The following CFAP61 variants were observed in gnomAD, a reference collection of about 807,000 sequenced individuals.
CFAP61 encodes the protein cilia and flagella associated protein 61.
Under a neutral mutation model 135.6 loss-of-function variants are expected in CFAP61, and 107 were observed. The observed-to-expected ratio is 0.79, with a 90% CI of 0.67 to 0.93. The LOEUF is 0.93. Ranked by LOEUF, CFAP61 falls within the 40% of genes least tolerant of loss-of-function variation. CFAP61 has a pLI of 0.00. For synonymous variants in CFAP61, 575 were observed against 578.5 expected, an observed-to-expected ratio of 0.99 and a Z score of 0.09; for missense variants, 1,507 against 1,556.2, an observed-to-expected ratio of 0.97 and a Z score of 0.53.
At chr20:20,125,187 T>A (rs2049973379) in intron 8 of CFAP61, among the ~76,000 whole-genome samples, 2 of 151,786 alleles carry the variant, frequency 1.3e-5, no homozygotes, top group Non-Finnish European at 2.9e-5. Flanking sequence ...GTTTCATTTA[T>A]CTTTTGTATT....
chr20:20,203,261 A>G (rs1029803214), intron 17 of CFAP61, among the ~76,000 whole-genome samples: 42 of 152,268 alleles, frequency 2.8e-4, no homozygotes, highest in African/African-American at 9.6e-4. Context: ...TCCACAGTCA[A>G]CCAGTGTGAA....
chr20:20,157,177 A>G (rs1230670070), intron 9 of CFAP61, among the ~76,000 whole-genome samples: 1 of 152,160 alleles, frequency 6.6e-6, no homozygotes, highest in East Asian at 1.9e-4. Context: ...GGTTCAAGTG[A>G]TACTCATGCC....
intron 8 of CFAP61, among the ~76,000 whole-genome samples, chr20:20,112,519 C>T (rs2048869867): frequency 6.6e-6 from 1 of 151,924 alleles, no homozygotes; most frequent in Non-Finnish European, 1.5e-5. Context: ...GGTAAAATAA[C>T]AAATCCTTTG....
chr20:20,201,513 T>C (rs2056620115), intron 17 of CFAP61, among the ~76,000 whole-genome samples: 1 of 152,210 alleles, frequency 6.6e-6, no homozygotes, highest in African/African-American at 2.4e-5. Context: ...CTAGCCCACC[T>C]GGAAGACATT....
At position 20,265,398 on chromosome 20, in the gene CFAP61, G is replaced by GTCC. The variant is rs772300058; in HGVS notation, c.2503+2271_2503+2273dup. The GTCC allele has an allele frequency of 6.4e-6, 5 of 779,674 alleles. No individual in the cohort carries two copies. The African/African-American group carries it at 6.8e-5, about 11-fold the overall frequency. The allele number at this position is 779,674 out of a possible 1,614,324, so 48.3% of individuals were successfully genotyped here. The stretch of plus-strand genomic sequence containing the variant: ...AGTCTCTTTCATGTGCCTTTGTATT[G>GTCC]TCCTCTTGGTTCTCAGATGGAGGAA... On this transcript the variant is annotated intron_variant, in intron 21 of 26. Coordinates refer to ENST00000245957, the MANE Select transcript of CFAP61 (RefSeq NM_015585.4).
chr20:20,262,829 C>G, intron 20 of CFAP61, 127 bp from the exon 21 acceptor site: 2 of 379,214 alleles, frequency 5.3e-6, no homozygotes, highest in Non-Finnish European at 4.6e-6. Flanking sequence ...CAATTAAAAT[C>G]TGATTGATTG....
chr20:20,328,940 T>C (rs1383129932), intron 25 of CFAP61, among the ~76,000 whole-genome samples: 1 of 152,182 alleles, frequency 6.6e-6, no homozygotes, highest in Non-Finnish European at 1.5e-5. Flanking sequence ...CTCAAGATCC[T>C]CTCAACTCCT....
chr20:20,267,826 A>AC (rs1306535733), intron 21 of CFAP61: 6 of 152,282 alleles, frequency 3.9e-5, no homozygotes, highest in Non-Finnish European at 8.8e-5. Context: ...CCCAGGTTCC[A>AC]CACAGGAAGA....
intron 8 of CFAP61, among the ~76,000 whole-genome samples, chr20:20,117,526 C>T (rs1309188595): frequency 6.6e-6 from 1 of 152,020 alleles, no homozygotes; most frequent in Admixed American, 6.6e-5. Flanking sequence ...TAGTGTGATG[C>T]CTCTAGCTTT....
At chr20:20,111,740 G>A (rs61091047) in intron 8 of CFAP61, among the ~76,000 whole-genome samples, 15,010 of 152,154 alleles carry the variant, frequency 0.099, 1,558 homozygotes, top group East Asian at 0.6. Flanking sequence ...CATAATGTAC[G>A]AAATTGTTGT....
chr20:20,153,362 TA>T (rs1166070257), intron 9 of CFAP61, among the ~76,000 whole-genome samples: 1 of 150,720 alleles, frequency 6.6e-6, no homozygotes, highest in East Asian at 2.0e-4. Flanking sequence ...AGAAAAGAAA[TA>T]AAAAGATCAG....
chr20:20,117,217 G>A (rs1390587514), intron 8 of CFAP61, among the ~76,000 whole-genome samples: 1 of 152,088 alleles, frequency 6.6e-6, no homozygotes, highest in Non-Finnish European at 1.5e-5. Context: ...AGTGGCACAC[G>A]CCTGTAGTAC....
chr20:20,115,663 C>T (rs1600730122), intron 8 of CFAP61, among the ~76,000 whole-genome samples: 1 of 152,096 alleles, frequency 6.6e-6, no homozygotes, highest in South Asian at 2.1e-4. Context: ...TTTTTTAGCT[C>T]CCATATATGA....
At chr20:20,323,972 C>G (rs1385818233) in intron 25 of CFAP61, among the ~76,000 whole-genome samples, 1 of 152,120 alleles carries the variant, frequency 6.6e-6, no homozygotes, top group Non-Finnish European at 1.5e-5. Flanking sequence ...AGAGTTCTAC[C>G]ATACCAACGT....
At chr20:20,266,921 A>G (rs2052792128) in intron 21 of CFAP61, among the ~76,000 whole-genome samples, 1 of 152,222 alleles carries the variant, frequency 6.6e-6, no homozygotes, top group Non-Finnish European at 1.5e-5. Context: ...TCATACATAG[A>G]AAGAGTTTCA....
rs566877302 is a variant in CFAP61 at position 20,359,261 on chromosome 20, G to A, written c.3514-949G>A. ...TGACTTGATTGTGAATTTATTCTAA[G>A]GTTTTAAAATCCCACTTCTTGGGAA... On this transcript the variant is annotated intron_variant, in intron 26 of 26. Transcript: ENST00000245957. This position sits in a 1 kb window ranked among gnomAD's most constrained non-coding sequence, Gnocchi z 4.0. 6.6e-6 allele frequency among the ~76,000 whole-genome samples: 1 copy of A among 152,144 alleles called. No homozygotes were observed. The highest frequency in any genetic ancestry group is 2.1e-4 in the South Asian group (1 of 4,808).
chr20:20,269,188 C>A (rs376837303), intron 21 of CFAP61, among the ~76,000 whole-genome samples: 10 of 131,142 alleles, frequency 7.6e-5, no homozygotes, highest in African/African-American at 2.8e-4. Context: ...TATACACACA[C>A]ATATATACAT....
At position 20,075,475 on chromosome 20, in the gene CFAP61, T is replaced by A. The variant is rs1308310709; in HGVS notation, c.440-14T>A. On this transcript the variant is annotated splice_polypyrimidine_tract_variant and intron_variant, in intron 5 of 26. Coordinates refer to ENST00000245957, the MANE Select transcript of CFAP61 (RefSeq NM_015585.4). ...TGATAAATAAGGACATGTTTCTTTA[T>A]CTCTGTGATTTAGGCTCAACTCTCA... 1 of 1,613,526 alleles carries A rather than the reference T, an allele frequency of 6.2e-7. No homozygotes were observed. The highest frequency in any genetic ancestry group is 8.5e-7 in the Non-Finnish European group (1 of 1,179,602).
At chr20:20,284,742 G>A (rs995591934) in intron 22 of CFAP61, among the ~76,000 whole-genome samples, 1 of 152,082 alleles carries the variant, frequency 6.6e-6, no homozygotes, top group Admixed American at 6.6e-5. Context: ...CCCATATTCT[G>A]GATGTCTATT....
Sources: gnomAD v4.1 joint callset for allele counts (sites outside exome capture counted in the v4.1 genomes callset) on GRCh38, gnomAD v4.1.1 for gene constraint, Gnocchi (gnomAD v3.1) non-coding constraint, MANE v1.5 for transcripts, NCBI Gene and HGNC (gene_info 2026-07-23, HGNC 2026-07-21) for gene names.